The following FOXJ2 variants were observed in gnomAD, a reference collection of about 807,000 sequenced individuals.
The protein encoded by FOXJ2 is forkhead box protein J2.
FOXJ2 carries 18 observed loss-of-function variants against 68.4 expected under a neutral mutation model. The ratio of observed to expected loss-of-function variants is 0.26; its 90% confidence interval spans 0.18 to 0.39. The LOEUF (loss-of-function observed/expected upper bound fraction) is 0.39, where lower values mean the gene tolerates loss of function less well. Ranked by LOEUF, FOXJ2 falls within the 10% of genes least tolerant of loss-of-function variation. The pLI, the probability that FOXJ2 is intolerant of heterozygous loss-of-function variation, is 1.00. For synonymous variants in FOXJ2, 274 were observed against 263.2 expected (o/e 1.04, Z -0.40); for missense variants, 670 against 726.5 (o/e 0.92, Z 0.89).
Position 8,047,359 on chromosome 12 carries a change from G to T in FOXJ2, c.818-523G>T, listed in dbSNP as rs1305311696. On this transcript the variant is annotated intron_variant, in intron 6 of 10. Transcript: ENST00000162391. ...AGCTACTCGGGAGGCTGAGGCAGGA[G>T]AATTGCTTGAACCTGGGAGGCGGAG... Among the ~76,000 whole-genome samples the T allele has an allele frequency of 2.0e-5, 3 of 152,114 alleles. No homozygotes were observed. In the East Asian group the frequency reaches 5.8e-4, roughly 29 times the overall value.
chr12:8,050,942 T>TCCCTTC (rs1947114700), intron 10 of FOXJ2, among the ~76,000 whole-genome samples: 1 of 82,056 alleles, frequency 1.2e-5, no homozygotes, highest in Non-Finnish European at 2.4e-5. Context: ...CCCTTCCCCT[T>TCCCTTC]CCCTTCCCCT....
chr12:8,038,028 C>T lies in FOXJ2; in HGVS notation c.-14-1791C>T, dbSNP rs1038962920. 6.6e-6 allele frequency among the ~76,000 whole-genome samples: 1 copy of T among 152,160 alleles called. No individual in the cohort carries two copies. Among genetic ancestry groups the T allele is most frequent in the Non-Finnish European group, 1.5e-5 (1 of 68,020 alleles). ...ACGCTATTTATAAACATGCCAGCCCCCCTCGCTCCGCCCCTTTTCTCCTGT... is the reference window on the plus strand; with the variant it reads ...ACGCTATTTATAAACATGCCAGCCCTCCTCGCTCCGCCCCTTTTCTCCTGT... On this transcript the variant is annotated intron_variant, in intron 1 of 10. Transcript: ENST00000162391. This position sits in a 1 kb window ranked among gnomAD's most constrained non-coding sequence, Gnocchi z 5.3.
At chr12:8,048,617 A>G in intron 7 of FOXJ2, 80 bp from the exon 8 acceptor site, 2 of 1,349,032 alleles carry the variant, frequency 1.5e-6, no homozygotes, top group Admixed American at 1.7e-5. Flanking sequence ...AGAATCTTGC[A>G]TGTAGTCAGC....
rs1015010945 is a variant in FOXJ2 at position 8,035,175 on chromosome 12, T to C, written c.-15+1342T>C. ...GCATATACTTCTTAATTCATGTGAA[T>C]GTGGCTCTCTGTTTCAAGTGGGTAT... On this transcript the variant is annotated intron_variant, in intron 1 of 10. Coordinates refer to ENST00000162391, the MANE Select transcript of FOXJ2 (RefSeq NM_018416.3). The surrounding 1 kb of genome is among the most constrained non-coding windows in gnomAD (Gnocchi z 4.0). 2.6e-5 allele frequency among the ~76,000 whole-genome samples: 4 copies of C among 152,226 alleles called. No homozygotes were observed. Among genetic ancestry groups the C allele is most frequent in the Admixed American group, 1.3e-4 (2 of 15,276 alleles).
At chr12:8,047,690 C>T (rs911247377) in intron 6 of FOXJ2, among the ~76,000 whole-genome samples, 192 bp from the exon 7 acceptor site, 1 of 152,134 alleles carries the variant, frequency 6.6e-6, no homozygotes, top group East Asian at 1.9e-4. Flanking sequence ...TCAGGGCCCT[C>T]CTCTAACCTA....
At position 8,048,222 on chromosome 12, in the gene FOXJ2, T is replaced by A; in HGVS notation, c.1158T>A (p.Pro386=). The change falls in exon 7 of 11, where the codon CCT becomes CCA. Residue 386 remains proline, a synonymous_variant. Transcript: ENST00000162391. ...HPHQHHPHSH[P]AQQPPPPQPQ... ...ATCAGCACCATCCCCACTCCCACCC[T>A]GCCCAGCAGCCACCACCTCCACAGC... 2 of 1,606,830 alleles carry A rather than the reference T, an allele frequency of 1.2e-6. No homozygotes were observed. Among genetic ancestry groups the A allele is most frequent in the Non-Finnish European group, 1.7e-6 (2 of 1,176,342 alleles).
At chr12:8,051,007 C>T (rs1353164810) in intron 10 of FOXJ2, among the ~76,000 whole-genome samples, 6 of 123,780 alleles carry the variant, frequency 4.8e-5, no homozygotes. Context: ...CCTTTCCTTC[C>T]CCTTCCCTTT....
chr12:8,046,621 G>T (rs188472897), intron 6 of FOXJ2, among the ~76,000 whole-genome samples: 2 of 152,192 alleles, frequency 1.3e-5, no homozygotes. Context: ...GTTTTTACTG[G>T]GAGGCCCCTT....
rs760748528 is a variant in FOXJ2, at chr12:8,040,113, G to A, written c.281G>A (p.Arg94His). The change falls in exon 2 of 11, where the codon CGC becomes CAC. Residue 94 changes from arginine (R) to histidine (H), a missense_variant. By Grantham distance (29) the Arg-to-His change is conservative (BLOSUM62 0). Transcript: ENST00000162391. The surrounding 1 kb of genome is among the most constrained non-coding windows in gnomAD (Gnocchi z 4.0). ...AAGATGACCCTCAGCGAGATTTACC[G>A]CTGGATCTGTGATAACTTCCCCTAT... ...AKKMTLSEIY[R>H]WICDNFPYYK... 43 of 1,613,998 alleles carry A rather than the reference G, an allele frequency of 2.7e-5. No individual in the cohort carries two copies. In the Admixed American group the frequency reaches 4.0e-4, roughly 15 times the overall value.
intron 6 of FOXJ2, 140 bp downstream of exon 6, chr12:8,045,098 C>A: frequency 1.2e-6 from 1 of 821,404 alleles, no homozygotes; most frequent in South Asian, 1.8e-5. Flanking sequence ...AGCTGGAGTG[C>A]AGTGGCACGA....
chr12:8,050,003 C>G (rs1367305939), intron 9 of FOXJ2: 2 of 198,288 alleles, frequency 1.0e-5, no homozygotes, highest in Admixed American at 1.2e-4. Context: ...GGGTCTCGCT[C>G]TGTCGCCCAG....
chr12:8,043,603 A>T, intron 3 of FOXJ2, 98 bp from the exon 4 acceptor site: 5 of 1,198,208 alleles, frequency 4.2e-6, no homozygotes, highest in African/African-American at 1.5e-5. Context: ...ATACTCAGTG[A>T]GTTTCTAGGA....
Position 8,032,797 on chromosome 12 carries a change from T to G in FOXJ2, c.-1051T>G. On this transcript the variant is annotated 5_prime_UTR_variant, in exon 1 of 11. Transcript: ENST00000162391. The surrounding 1 kb of genome is among the most constrained non-coding windows in gnomAD (Gnocchi z 4.8). ...CTTCTGGCTCCCCGGGAGCCCAGACTGGTCGGAGCCCGAGCGGTGGCAGCG... is the reference window on the plus strand; with the variant it reads ...CTTCTGGCTCCCCGGGAGCCCAGACGGGTCGGAGCCCGAGCGGTGGCAGCG... 2.5e-6 allele frequency: 1 copy of G among 398,206 alleles called. No homozygotes were observed. Among genetic ancestry groups the G allele is most frequent in the Admixed American group, 4.4e-5 (1 of 22,716 alleles). The allele number at this position is 398,206 out of a possible 1,614,324, so 24.7% of individuals were successfully genotyped here. A position where few individuals can be genotyped will look rare whatever the true frequency, so the allele number is the denominator to read the frequency against.
rs1353068410 is a variant in FOXJ2, at chr12:8,033,704, G to A, written c.-144G>A. 6.5e-6 allele frequency: 1 copy of A among 152,772 alleles called. No individual in the cohort carries two copies. Among genetic ancestry groups the A allele is most frequent in the Non-Finnish European group, 1.5e-5 (1 of 68,210 alleles). The allele number at this position is 152,772 out of a possible 1,614,324, so 9.5% of individuals were successfully genotyped here. ...CCAGTTCCCCTCACCAACTTGGGAGGCTCAGCCTCGTCCAGGAAGAGCCAC... is the reference window on the plus strand; with the variant it reads ...CCAGTTCCCCTCACCAACTTGGGAGACTCAGCCTCGTCCAGGAAGAGCCAC... On this transcript the variant is annotated 5_prime_UTR_variant, in exon 1 of 11. Coordinates refer to ENST00000162391, the MANE Select transcript of FOXJ2 (RefSeq NM_018416.3).
rs3741857 is a variant in FOXJ2 at position 8,032,955 on chromosome 12, C to G, written c.-893C>G. ...CGTGCTGCCCAGGCCAGCTCAGGGA[C>G]AGCCGGGAGTACGAAAGCCCCACCC... On this transcript the variant is annotated 5_prime_UTR_variant, in exon 1 of 11. Transcript: ENST00000162391. This position sits in a 1 kb window ranked among gnomAD's most constrained non-coding sequence, Gnocchi z 4.8. The G allele has an allele frequency of 0.17, 69,207 of 396,484 alleles. 8,683 individuals carry two copies. The highest frequency in any genetic ancestry group is 0.53 in the East Asian group (14,868 of 27,904). The allele number at this position is 396,484 out of a possible 1,614,324, so 24.6% of individuals were successfully genotyped here.
rs749196048 is a variant in FOXJ2, at chr12:8,033,776, A to T, written c.-72A>T. Reference sequence around the variant, plus strand: ...GCCTCTGAAGAGGGGAATCCCTCCAACCCCAAACTCCAGTACCAGGTGGTT... The same window carrying T: ...GCCTCTGAAGAGGGGAATCCCTCCATCCCCAAACTCCAGTACCAGGTGGTT... On this transcript the variant is annotated 5_prime_UTR_variant, in exon 1 of 11. Transcript: ENST00000162391. 1 of 152,816 alleles carries T rather than the reference A, an allele frequency of 6.5e-6. No individual in the cohort carries two copies. Among genetic ancestry groups the T allele is most frequent in the South Asian group, 2.1e-4 (1 of 4,826 alleles). 9.5% of individuals were successfully genotyped at this position (152,816 alleles called of 1,614,324 possible). A position where few individuals can be genotyped will look rare whatever the true frequency, so the allele number is the denominator to read the frequency against.
In FOXJ2 at chr12:8,048,027, G is replaced by A. The variant is rs1323308105; in HGVS notation, c.963G>A (p.Gln321=). Residue 321 remains glutamine, a synonymous_variant, in exon 7 of 11, where the codon CAG becomes CAA. Transcript: ENST00000162391. ...PPQQSQPQQQ[Q]APAQGPSAVG... ...AGCAGTCCCAGCCACAGCAGCAGCA[G>A]GCACCTGCCCAGGGCCCCTCAGCTG... is the stretch of plus-strand genomic sequence containing the variant. The A allele has an allele frequency of 1.2e-6, 2 of 1,613,946 alleles. No individual in the cohort carries two copies.
intron 7 of FOXJ2, 78 bp downstream of exon 7, chr12:8,048,367 T>A: frequency 6.7e-7 from 1 of 1,496,632 alleles, no homozygotes; most frequent in Middle Eastern, 1.8e-4. Flanking sequence ...GGAGGTGCAG[T>A]TAGTTAGGAA....
Position 8,047,788 on chromosome 12 carries a change from T to G in FOXJ2, c.818-94T>G, listed in dbSNP as rs774396051. 13 of 1,456,420 alleles carry G rather than the reference T, an allele frequency of 8.9e-6. No individual in the cohort carries two copies. The African/African-American group carries it at 1.8e-4, about 21-fold the overall frequency. The allele number at this position is 1,456,420 out of a possible 1,614,324, so 90.2% of individuals were successfully genotyped here. A position where few individuals can be genotyped will look rare whatever the true frequency, so the allele number is the denominator to read the frequency against. ...TTCTTACCCTTTTAACTCCACAGTT[T>G]TAGTCTGAGGCTTCCCATCTCAACC... On this transcript the variant is annotated intron_variant, in intron 6 of 10. Transcript: ENST00000162391.
Sources: allele counts gnomAD v4.1 joint callset (sites outside exome capture counted in the v4.1 genomes callset), GRCh38; gene constraint gnomAD v4.1.1; non-coding constraint Gnocchi (gnomAD v3.1); transcripts MANE v1.5; gene names NCBI Gene and HGNC (gene_info 2026-07-23, HGNC 2026-07-21).